Variants in AAK1 observed in about 807,000 individuals in gnomAD.
The protein encoded by AAK1 is AP2 associated kinase 1.
A neutral mutation model predicts 116.0 loss-of-function variants in AAK1; 37 were observed. That is an observed-to-expected ratio of 0.32 (90% confidence interval 0.25 to 0.42). The LOEUF (loss-of-function observed/expected upper bound fraction) is 0.42. AAK1 is among the 10% of genes least tolerant of loss of function. The pLI is 1.00. For synonymous variants in AAK1, 458 were observed against 439.9 expected, an observed-to-expected ratio of 1.04 and a Z score of -0.51; for missense variants, 919 against 1,170.6, an observed-to-expected ratio of 0.79 and a Z score of 3.14.
In AAK1 at chr2:69,463,468, G is replaced by A. The variant is rs1674392411; in HGVS notation, c.*12401C>T. ...AGTGATCCTTCCAGCTCAGCCTCCT[G>A]AGTAGCTACAGGCATATGTCACCAT... On this transcript the variant is annotated 3_prime_UTR_variant, in exon 22 of 22. Transcript: ENST00000409085. The A allele has an allele frequency of 6.6e-6, 1 of 152,002 alleles. No individual in the cohort carries two copies. The highest frequency in any genetic ancestry group is 2.4e-5 in the African/African-American group (1 of 41,350). 9.4% of individuals were successfully genotyped at this position (152,002 alleles called of 1,614,324 possible).
intron 2 of AAK1, among the ~76,000 whole-genome samples, chr2:69,588,529 G>A (rs1436694438): frequency 6.6e-6 from 1 of 152,162 alleles, no homozygotes; most frequent in Non-Finnish European, 1.5e-5. Flanking sequence ...AGGTGACGCA[G>A]GTATCCAGAA....
intron 1 of AAK1, 29 bp from the exon 2 acceptor site, chr2:69,643,303 T>G (rs1454892316): frequency 7.4e-7 from 1 of 1,359,382 alleles, no homozygotes; most frequent in Non-Finnish European, 9.4e-7. Context: ...AAAGAGAGGA[T>G]GAATCAGTAA....
At chr2:69,511,180 C>A (rs962755571) in intron 13 of AAK1, among the ~76,000 whole-genome samples, 1 of 152,206 alleles carries the variant, frequency 6.6e-6, no homozygotes, top group African/African-American at 2.4e-5. Flanking sequence ...CATGCTGCAA[C>A]TCAGTTCAGC....
At chr2:69,490,206 T>C (rs1476587829) in intron 17 of AAK1, among the ~76,000 whole-genome samples, 1 of 152,146 alleles carries the variant, frequency 6.6e-6, no homozygotes, top group African/African-American at 2.4e-5. Context: ...TCCTTGGGCA[T>C]TGTTGGTGGG....
chr2:69,504,240 T>G (rs974286156), intron 16 of AAK1, among the ~76,000 whole-genome samples: 1 of 148,072 alleles, frequency 6.8e-6, no homozygotes, highest in Non-Finnish European at 1.5e-5. Context: ...CTACTAAAAC[T>G]ACAAACATTA....
At chr2:69,601,552 G>C (rs1673580955) in intron 2 of AAK1, among the ~76,000 whole-genome samples, 1 of 152,146 alleles carries the variant, frequency 6.6e-6, no homozygotes, top group Non-Finnish European at 1.5e-5. Context: ...CTTGAGCCCT[G>C]GGTGACCAAA....
chr2:69,613,539 T>C (rs1674183248), intron 2 of AAK1, among the ~76,000 whole-genome samples: 1 of 152,178 alleles, frequency 6.6e-6, no homozygotes, highest in Non-Finnish European at 1.5e-5. Context: ...CCTTAAGTCT[T>C]ACCCCTAGCC....
intron 3 of AAK1, among the ~76,000 whole-genome samples, chr2:69,552,320 A>G (rs1407008639): frequency 6.6e-6 from 1 of 152,242 alleles, no homozygotes; most frequent in Admixed American, 6.5e-5. Flanking sequence ...ATTTTTAACC[A>G]AGATATTAAA....
chr2:69,479,624 G>A (rs1359389305), intron 19 of AAK1, among the ~76,000 whole-genome samples: 1 of 152,186 alleles, frequency 6.6e-6, no homozygotes, highest in African/African-American at 2.4e-5. Context: ...TTAGCAGAAT[G>A]TGACAAGATT....
intron 18 of AAK1, 172 bp from the exon 19 acceptor site, chr2:69,481,133 G>C: frequency 3.8e-6 from 2 of 528,132 alleles, no homozygotes; most frequent in South Asian, 4.7e-5. Context: ...AAGTCCTGTG[G>C]TTACAAGTGT....
At chr2:69,541,308 G>A (rs1056364963) in intron 5 of AAK1, among the ~76,000 whole-genome samples, 1 of 143,700 alleles carries the variant, frequency 7.0e-6, no homozygotes, top group Admixed American at 7.5e-5. Flanking sequence ...TCCACTCACT[G>A]CAACCCCTGC....
At chr2:69,593,122 A>C (rs1463142677) in intron 2 of AAK1, among the ~76,000 whole-genome samples, 1 of 152,244 alleles carries the variant, frequency 6.6e-6, no homozygotes, top group African/African-American at 2.4e-5. Flanking sequence ...TGCTTTGATA[A>C]GATACATTGG....
intron 6 of AAK1, among the ~76,000 whole-genome samples, chr2:69,531,182 G>A (rs1475943404): frequency 6.6e-6 from 1 of 152,128 alleles, no homozygotes; most frequent in East Asian, 1.9e-4. Flanking sequence ...TTTGCTCCTG[G>A]AATCAGGCTG....
chr2:69,484,065 G>A (rs1675197041), intron 17 of AAK1, among the ~76,000 whole-genome samples: 1 of 152,132 alleles, frequency 6.6e-6, no homozygotes, highest in African/African-American at 2.4e-5. Flanking sequence ...TCTGTAACTT[G>A]CCCAATTAAA....
intron 2 of AAK1, among the ~76,000 whole-genome samples, chr2:69,581,316 G>A (rs558827421): frequency 2.3e-3 from 349 of 152,224 alleles, no homozygotes; most frequent in Non-Finnish European, 3.6e-3. Context: ...GTTTCACCAC[G>A]TTGGCTCCTG....
intron 2 of AAK1, among the ~76,000 whole-genome samples, chr2:69,557,394 T>TG (rs1671431456): frequency 6.6e-6 from 1 of 151,520 alleles, no homozygotes; most frequent in Non-Finnish European, 1.5e-5. Context: ...CTTGACCTCC[T>TG]GGGTTCAATC....
At chr2:69,539,008 A>T (rs903389122) in intron 5 of AAK1, among the ~76,000 whole-genome samples, 4 of 152,192 alleles carry the variant, frequency 2.6e-5, no homozygotes, top group Non-Finnish European at 4.4e-5. Flanking sequence ...CCTTTCAGGC[A>T]TTTACCATGC....
At chr2:69,549,782 G>A (rs149107311) in intron 3 of AAK1, among the ~76,000 whole-genome samples, 1 of 152,200 alleles carries the variant, frequency 6.6e-6, no homozygotes, top group African/African-American at 2.4e-5. Context: ...AAGTTGATTA[G>A]AATAAAATTT....
At chr2:69,520,322 T>TC (rs1669707742) in intron 11 of AAK1, 1 of 154,076 alleles carries the variant, frequency 6.5e-6, no homozygotes, top group African/African-American at 2.4e-5. Context: ...CAAGGAGGCC[T>TC]CTCCTTTTGC....
Sources: allele counts gnomAD v4.1 joint callset (sites outside exome capture counted in the v4.1 genomes callset), GRCh38; gene constraint gnomAD v4.1.1; transcripts MANE v1.5; gene names NCBI Gene and HGNC (gene_info 2026-07-23, HGNC 2026-07-21).